The following LRRC17 variants were observed in gnomAD, a reference collection of about 807,000 sequenced individuals.
LRRC17 encodes leucine-rich repeat-containing protein 17.
In LRRC17, 33 loss-of-function variants were observed where a neutral mutation model predicts 41.5. That is an observed-to-expected ratio of 0.80 (90% CI 0.60 to 1.06). The LOEUF is 1.06. Among genes scored for constraint, LRRC17 ranks in the 50% least tolerant of loss-of-function variants. The probability of loss-of-function intolerance (pLI) is 0.00; values close to 1 mark genes in which losing one functional copy is unlikely to be tolerated. For missense variants in LRRC17, 491 were observed against 519.3 expected (o/e 0.95, Z 0.53); for synonymous variants, 192 against 197.0 (o/e 0.97, Z 0.21).
intron 1 of LRRC17, among the ~76,000 whole-genome samples, chr7:102,923,399 T>C (rs1817471699): frequency 6.6e-6 from 1 of 152,190 alleles, no homozygotes; most frequent in Admixed American, 6.5e-5. Context: ...AAACACACAG[T>C]TGGGAAAAAA....
At chr7:102,920,620 G>T (rs1158672984) in intron 1 of LRRC17, among the ~76,000 whole-genome samples, 1 of 151,948 alleles carries the variant, frequency 6.6e-6, no homozygotes, top group Admixed American at 6.6e-5. Context: ...CAAACTGCTG[G>T]GTTACAGCAA....
rs190412119 is a variant in LRRC17 at position 102,934,645 on chromosome 7, T to G, written c.732T>G (p.Asn244Lys). ...AGGTGGACTCAACTTTTTGCCACAA[T>G]TATGTGTTTCCCATACAAACACTGG... ...KPEVDSTFCH[N>K]YVFPIQTLDC... Residue 244 changes from asparagine to lysine, a missense_variant, in exon 2 of 4, where the codon AAT (asparagine) becomes AAG (lysine). Transcript: ENST00000339431. The G allele has an allele frequency of 9.7e-5, 155 of 1,605,772 alleles. No homozygotes were observed. The Admixed American group carries it at 1.0e-3, about 11-fold the overall frequency.
chr7:102,927,492 T>G (rs1460083539), intron 1 of LRRC17, among the ~76,000 whole-genome samples: 3 of 152,226 alleles, frequency 2.0e-5, no homozygotes, highest in Non-Finnish European at 4.4e-5. Context: ...CATTCATTAC[T>G]ATTTCCAGTA....
intron 1 of LRRC17, among the ~76,000 whole-genome samples, chr7:102,921,246 C>T (rs935261278): frequency 2.0e-5 from 3 of 152,196 alleles, no homozygotes; most frequent in Non-Finnish European, 4.4e-5. Context: ...AAACATGATG[C>T]TTACTAACCT....
chr7:102,944,635 T>C lies in LRRC17; in HGVS notation c.*28T>C. 1 of 1,549,972 alleles carries C rather than the reference T, an allele frequency of 6.5e-7. No individual in the cohort carries two copies. Among genetic ancestry groups the C allele is most frequent in the Non-Finnish European group, 8.7e-7 (1 of 1,152,980 alleles). On this transcript the variant is annotated 3_prime_UTR_variant, in exon 4 of 4. Transcript: ENST00000339431. ...TAGAAATTGTTCTGATTGTAATTAG[T>C]TTTGTATTTTCTATACTGGTGTTAG...
At chr7:102,913,972 A>G (rs1815292475) in intron 1 of LRRC17, among the ~76,000 whole-genome samples, 1 of 152,248 alleles carries the variant, frequency 6.6e-6, no homozygotes, top group Admixed American at 6.5e-5. Context: ...GCTTCCAGAA[A>G]AAAGTAGGGT....
At chr7:102,942,017 G>A (rs1200907103) in intron 3 of LRRC17, among the ~76,000 whole-genome samples, 4 of 152,094 alleles carry the variant, frequency 2.6e-5, no homozygotes, top group African/African-American at 4.8e-5. Context: ...CTGTCCTTAG[G>A]ATCCCCTGAA....
At chr7:102,942,146 T>C (rs558015696) in intron 3 of LRRC17, 2 of 556,274 alleles carry the variant, frequency 3.6e-6, no homozygotes, top group Admixed American at 6.0e-5. Context: ...ACGTATTTCC[T>C]ACATTAATAA....
intron 1 of LRRC17, among the ~76,000 whole-genome samples, chr7:102,918,836 T>C (rs148097738): frequency 5.4e-4 from 82 of 152,342 alleles, no homozygotes; most frequent in African/African-American, 1.9e-3. Flanking sequence ...CAATGATTTA[T>C]GGATTTTATA....
intron 1 of LRRC17, among the ~76,000 whole-genome samples, chr7:102,922,581 T>C (rs542922763): frequency 5.3e-5 from 8 of 152,354 alleles, no homozygotes; most frequent in South Asian, 2.1e-4. Context: ...TATTCTTTAC[T>C]GTTAATTCCA....
At chr7:102,938,927 T>G (rs963459423) in intron 2 of LRRC17, among the ~76,000 whole-genome samples, 11 of 152,234 alleles carry the variant, frequency 7.2e-5, no homozygotes, top group Non-Finnish European at 1.5e-4. Context: ...CTGCAGTTTA[T>G]ATTCTTTTTC....
chr7:102,944,519 A>G lies in LRRC17; in HGVS notation c.1238A>G (p.Asp413Gly), dbSNP rs1437423043. The G allele has an allele frequency of 6.2e-7, 1 of 1,613,974 alleles. No individual in the cohort carries two copies. Among genetic ancestry groups the G allele is most frequent in the Non-Finnish European group, 8.5e-7 (1 of 1,179,990 alleles). ...TTACCAGCATATCCTGAGTCATTTG[A>G]CCAAGACACAGAAGATGATGAATGG... ...DKLPAYPESF[D>G]QDTEDDEWEK... Residue 413 changes from aspartate (D) to glycine (G), a missense_variant, in exon 4 of 4, where the codon GAC becomes GGC. Physicochemically the swap from Asp to Gly is moderately conservative, Grantham distance 94. Transcript: ENST00000339431.
chr7:102,933,966 T>A lies in LRRC17; in HGVS notation c.53T>A (p.Leu18Gln), dbSNP rs371158213. The A allele has an allele frequency of 6.2e-7, 1 of 1,613,834 alleles. No individual in the cohort carries two copies. The highest frequency in any genetic ancestry group is 8.5e-7 in the Non-Finnish European group (1 of 1,179,894). ...CTCTGCTTTTGCAAAGCGGCTGAGC[T>A]GCGCAAAGCAAGCCCAGGCAGTGTG... is the stretch of plus-strand genomic sequence containing the variant. ...ILLCFCKAAELRKASPGSVRS... is the reference protein window; with the variant it reads ...ILLCFCKAAEQRKASPGSVRS... The change falls in exon 2 of 4, where the codon CTG becomes CAG. Residue 18 changes from leucine (L) to glutamine (Q), a missense_variant. Transcript: ENST00000339431.
chr7:102,926,382 A>C, intron 1 of LRRC17: 1 of 1,608,230 alleles, frequency 6.2e-7, no homozygotes, highest in Non-Finnish European at 8.5e-7. Context: ...ATCCTGCATG[A>C]AAAACAGAGG....
chr7:102,944,389 A>G lies in LRRC17; in HGVS notation c.1108A>G (p.Asn370Asp). ...CTACTACTGGTTAAAGCACCACTACAATGTCCATTTTAATGGCCTGGAATG... is the reference window on the plus strand; with the variant it reads ...CTACTACTGGTTAAAGCACCACTACGATGTCCATTTTAATGGCCTGGAATG... Reference protein sequence around the residue: ...YLYYWLKHHYNVHFNGLECKT... With the variant: ...YLYYWLKHHYDVHFNGLECKT... Residue 370 changes from asparagine (N) to aspartate (D), a missense_variant, in exon 4 of 4, where the codon AAT becomes GAT. Asn to Asp is a conservative substitution (Grantham distance 23, BLOSUM62 1). Transcript: ENST00000339431. The G allele has an allele frequency of 6.2e-7, 1 of 1,614,106 alleles. No individual in the cohort carries two copies. The highest frequency in any genetic ancestry group is 1.1e-5 in the South Asian group (1 of 91,078).
At chr7:102,927,565 A>G (rs573999548) in intron 1 of LRRC17, among the ~76,000 whole-genome samples, 1 of 152,322 alleles carries the variant, frequency 6.6e-6, no homozygotes, top group South Asian at 2.1e-4. Flanking sequence ...TCAGATAGGA[A>G]TTGGTTGATT....
chr7:102,936,472 G>A (rs1370982388), intron 2 of LRRC17: 3 of 152,190 alleles, frequency 2.0e-5, no homozygotes, highest in African/African-American at 7.2e-5. Flanking sequence ...ATTTCAAAGA[G>A]TAAGTAAATG....
chr7:102,918,351 T>C (rs1278789781), intron 1 of LRRC17, among the ~76,000 whole-genome samples: 1 of 152,220 alleles, frequency 6.6e-6, no homozygotes, highest in East Asian at 1.9e-4. Context: ...GGTCCTACTT[T>C]TCTATCTATT....
rs75870421 is a variant in LRRC17 at position 102,936,505 on chromosome 7, G to A, written c.772+1820G>A. Among the ~76,000 whole-genome samples, 533 of 152,220 alleles carry A rather than the reference G, an allele frequency of 3.5e-3. 3 individuals are homozygous for A. Among genetic ancestry groups the A allele is most frequent in the African/African-American group, 0.013 (520 of 41,512 alleles). Reference sequence around the variant, plus strand: ...ATGTAGTTTTTCTATAGCCAGAGTGGGTAGAATTTCCCGGATATTGTTATG... The same window carrying A: ...ATGTAGTTTTTCTATAGCCAGAGTGAGTAGAATTTCCCGGATATTGTTATG... On this transcript the variant is annotated intron_variant, in intron 2 of 3. Transcript: ENST00000339431.
Sources: allele counts gnomAD v4.1 joint callset (sites outside exome capture counted in the v4.1 genomes callset), GRCh38; gene constraint gnomAD v4.1.1; transcripts MANE v1.5; gene names NCBI Gene and HGNC (gene_info 2026-07-23, HGNC 2026-07-21).